CHKA: variants seen among roughly 807,000 people sequenced by gnomAD.
CHKA encodes the protein CHETK-alpha.
In CHKA, 34 loss-of-function variants were observed where a neutral mutation model predicts 60.1. The ratio of observed to expected loss-of-function variants is 0.57; its 90% CI spans 0.43 to 0.75. The LOEUF is 0.75. Among genes scored for constraint, CHKA ranks in the 30% least tolerant of loss-of-function variants. The pLI is 0.00. For missense variants in CHKA, 563 were observed against 561.3 expected (o/e 1.00, Z -0.03); for synonymous variants, 217 against 223.1 (o/e 0.97, Z 0.24).
intron 2 of CHKA, among the ~76,000 whole-genome samples, chr11:68,092,804 A>G (rs1857389840): frequency 6.6e-6 from 1 of 152,198 alleles, no homozygotes. Context: ...CTAAGTTTAA[A>G]CTACAACCAA....
chr11:68,096,589 C>G (rs957287778), intron 2 of CHKA, among the ~76,000 whole-genome samples: 1 of 152,118 alleles, frequency 6.6e-6, no homozygotes, highest in Admixed American at 6.6e-5. Context: ...TTATTAAATT[C>G]AGCTTCGTTG....
chr11:68,081,368 CA>C, intron 3 of CHKA, 35 bp downstream of exon 3: 1 of 1,586,388 alleles, frequency 6.3e-7, no homozygotes. Context: ...CACTAGTTCA[CA>C]TCTCACACAG....
chr11:68,115,193 C>T (rs1232284691), intron 1 of CHKA, among the ~76,000 whole-genome samples: 7 of 152,136 alleles, frequency 4.6e-5, no homozygotes, highest in African/African-American at 1.4e-4. Context: ...TAAAGGTAGG[C>T]TAGGCTAAGA....
At chr11:68,115,792 A>G (rs1031064206) in intron 1 of CHKA, among the ~76,000 whole-genome samples, 1 of 152,222 alleles carries the variant, frequency 6.6e-6, no homozygotes, top group Non-Finnish European at 1.5e-5. Flanking sequence ...CAGTAAAAAC[A>G]AAGTGTAAAT....
rs912894172 is a variant in CHKA, at chr11:68,121,077, C to T, written c.101G>A (p.Gly34Glu). 3.2e-5 allele frequency: 36 copies of T among 1,131,758 alleles called. No individual in the cohort carries two copies. The highest frequency in any genetic ancestry group is 3.8e-5 in the Non-Finnish European group (35 of 924,922). The allele number at this position is 1,131,758 out of a possible 1,614,324, so 70.1% of individuals were successfully genotyped here. A position where few individuals can be genotyped will look rare whatever the true frequency, so the allele number is the denominator to read the frequency against. Residue 34 changes from glycine to glutamate, a missense_variant, in exon 1 of 12, where the codon GGG (glycine) becomes GAG (glutamate). Gly to Glu is a moderately conservative substitution (Grantham distance 98, BLOSUM62 -2). Transcript: ENST00000265689. ...SGSAAPAPGV[G>E]QQRDAASDLE... ...GTCGCTGGCGGCGTCGCGCTGCTGC[C>T]CCACGCCGGGCGCCGGGGCCGCGCT...
chr11:68,061,801 C>G (rs1317284805), intron 11 of CHKA, 152 bp downstream of exon 11: 2 of 680,884 alleles, frequency 2.9e-6, no homozygotes, highest in South Asian at 3.0e-5. Context: ...CCACACTGTC[C>G]TGATGCCACC....
At chr11:68,058,327 T>C (rs1856102109) in intron 11 of CHKA, among the ~76,000 whole-genome samples, 1 of 152,256 alleles carries the variant, frequency 6.6e-6, no homozygotes, top group South Asian at 2.1e-4. Context: ...CATTTTCATA[T>C]AAATTTCAGG....
chr11:68,116,399 G>A (rs892602079), intron 1 of CHKA, among the ~76,000 whole-genome samples: 4 of 151,878 alleles, frequency 2.6e-5, no homozygotes, highest in African/African-American at 7.3e-5. Flanking sequence ...GTAAAACCCC[G>A]TGGCTACCAA....
chr11:68,074,124 A>G (rs1353650510), intron 4 of CHKA, among the ~76,000 whole-genome samples: 1 of 152,194 alleles, frequency 6.6e-6, no homozygotes, highest in Non-Finnish European at 1.5e-5. Flanking sequence ...AAGACATGGT[A>G]TACTGGTAAA....
At chr11:68,110,741 T>C (rs1371646723) in intron 1 of CHKA, among the ~76,000 whole-genome samples, 1 of 152,164 alleles carries the variant, frequency 6.6e-6, no homozygotes, top group Non-Finnish European at 1.5e-5. Context: ...CTCATGCTTG[T>C]AATCCCAGCA....
At chr11:68,067,372 G>A (rs935268525) in intron 7 of CHKA, among the ~76,000 whole-genome samples, 6 of 152,172 alleles carry the variant, frequency 3.9e-5, no homozygotes, top group African/African-American at 1.4e-4. Flanking sequence ...GGAGGTGGAG[G>A]TGGGAGGATC....
intron 1 of CHKA, among the ~76,000 whole-genome samples, chr11:68,120,156 G>C (rs1165462121): frequency 6.6e-6 from 1 of 151,618 alleles, no homozygotes; most frequent in Non-Finnish European, 1.5e-5. Flanking sequence ...TTGAACACGG[G>C]AGGCCGTGGT....
At chr11:68,103,364 T>A (rs542162731) in intron 1 of CHKA, among the ~76,000 whole-genome samples, 8 of 150,774 alleles carry the variant, frequency 5.3e-5, no homozygotes, top group South Asian at 2.1e-4. Flanking sequence ...TCAGTAAATT[T>A]AAAAAAAATA....
chr11:68,096,195 C>T (rs1857511156), intron 2 of CHKA, among the ~76,000 whole-genome samples: 1 of 151,258 alleles, frequency 6.6e-6, no homozygotes, highest in Admixed American at 6.6e-5. Context: ...GAAACCCCGT[C>T]TCTACTAAAA....
chr11:68,112,444 G>A (rs1369893067), intron 1 of CHKA, among the ~76,000 whole-genome samples: 1 of 152,050 alleles, frequency 6.6e-6, no homozygotes, highest in Admixed American at 6.6e-5. Flanking sequence ...ATTTCTAGAA[G>A]AGACAGAGTT....
At chr11:68,078,100 T>C (rs1265463172) in intron 3 of CHKA, among the ~76,000 whole-genome samples, 1 of 152,156 alleles carries the variant, frequency 6.6e-6, no homozygotes, top group Non-Finnish European at 1.5e-5. Context: ...ATGCCCTTTC[T>C]TATGTGACTG....
intron 8 of CHKA, 138 bp from the exon 9 acceptor site, chr11:68,066,032 G>A (rs1856432271): frequency 1.7e-6 from 1 of 601,966 alleles, no homozygotes. Context: ...GAGCAGGACT[G>A]TAGCTGCTTT....
chr11:68,085,676 A>T (rs1855584179), intron 2 of CHKA, among the ~76,000 whole-genome samples: 1 of 152,216 alleles, frequency 6.6e-6, no homozygotes, highest in Non-Finnish European at 1.5e-5. Context: ...AGCGTGTATT[A>T]TTTTTATAAT....
At chr11:68,081,995 C>G (rs1439131030) in intron 2 of CHKA, 1 of 152,344 alleles carries the variant, frequency 6.6e-6, no homozygotes, top group Non-Finnish European at 1.5e-5. Flanking sequence ...CCCAGAGTAA[C>G]CCCTCTAGTT....
Sources: allele counts gnomAD v4.1 joint callset (sites outside exome capture counted in the v4.1 genomes callset), GRCh38; gene constraint gnomAD v4.1.1; transcripts MANE v1.5; gene names NCBI Gene and HGNC (gene_info 2026-07-23, HGNC 2026-07-21).